Variants in AKAP6 observed in about 807,000 individuals in gnomAD.
AKAP6 encodes the protein A-kinase anchoring protein 6, also known as A-kinase anchor protein 6.
A neutral mutation model predicts 188.5 loss-of-function variants in AKAP6; 58 were observed. The ratio of observed to expected loss-of-function variants is 0.31; its 90% CI spans 0.25 to 0.38. The LOEUF (loss-of-function observed/expected upper bound fraction) is 0.38. Among genes scored for constraint, AKAP6 ranks in the 10% least tolerant of loss-of-function variants. AKAP6 has a pLI of 1.00. For missense variants in AKAP6, 2,710 were observed against 2,740.0 expected, an observed-to-expected ratio of 0.99 and a Z score of 0.24; for synonymous variants, 989 against 998.6, an observed-to-expected ratio of 0.99 and a Z score of 0.18.
chr14:32,342,110 G>A (rs1163117482), intron 1 of AKAP6, among the ~76,000 whole-genome samples: 1 of 152,176 alleles, frequency 6.6e-6, no homozygotes, highest in African/African-American at 2.4e-5. Flanking sequence ...TTCTCTGGAT[G>A]ATCTATGCTT....
intron 7 of AKAP6, among the ~76,000 whole-genome samples, chr14:32,648,854 C>A (rs1888090618): frequency 6.6e-6 from 1 of 151,976 alleles, no homozygotes; most frequent in African/African-American, 2.4e-5. Context: ...GAGGCGGTAC[C>A]TCTACTGAAA....
At chr14:32,459,132 CTA>C (rs1339523210) in intron 2 of AKAP6, among the ~76,000 whole-genome samples, 2 of 152,074 alleles carry the variant, frequency 1.3e-5, no homozygotes, top group Non-Finnish European at 2.9e-5. Flanking sequence ...ATAAGAAAGA[CTA>C]TGTGCTGTGG....
rs2034581292 is a variant in AKAP6 at position 32,823,271 on chromosome 14, A to G, written c.5458A>G (p.Asn1820Asp). 2 of 1,613,696 alleles carry G rather than the reference A, an allele frequency of 1.2e-6. No individual in the cohort carries two copies. Among genetic ancestry groups the G allele is most frequent in the Admixed American group, 1.7e-5 (1 of 59,918 alleles). The change falls in exon 13 of 14, where the codon AAT (asparagine) becomes GAT (aspartate). Residue 1820 changes from asparagine (N) to aspartate (D), a missense_variant. This residue lies in a region of AKAP6 where 2,473 missense variants were observed against 2,426.1 expected (regional missense o/e 1.02). Coordinates refer to ENST00000280979, the MANE Select transcript of AKAP6 (RefSeq NM_004274.5). ...LSLTRDKKRC[N>D]VSDEMKGSKD... ...TTTGACAAGAGATAAGAAAAGGTGC[A>G]ATGTCAGTGATGAGATGAAGGGCAG...
chr14:32,773,679 C>G lies in AKAP6; in HGVS notation c.3374C>G (p.Ser1125Cys), dbSNP rs765681796. Residue 1125 changes from serine to cysteine, a missense_variant and splice_region_variant, in exon 12 of 14, where the codon TCC becomes TGC. Ser to Cys is a moderately radical substitution (Grantham distance 112). This residue lies in a region of AKAP6 where 2,473 missense variants were observed against 2,426.1 expected (regional missense o/e 1.02). Transcript: ENST00000280979. ...NTEKQLQYFK[S>C]LCREIKQRRR... Reference sequence around the variant, plus strand: ...GATTGGTTTCTCTCTATGTTGCAGTCCCTCTGTCGTGAAATCAAGCAACGA... The same window carrying G: ...GATTGGTTTCTCTCTATGTTGCAGTGCCTCTGTCGTGAAATCAAGCAACGA... 2 of 1,613,480 alleles carry G rather than the reference C, an allele frequency of 1.2e-6. No homozygotes were observed. The highest frequency in any genetic ancestry group is 1.7e-6 in the Non-Finnish European group (2 of 1,179,736).
At chr14:32,668,946 T>A (rs1262273544) in intron 7 of AKAP6, among the ~76,000 whole-genome samples, 1 of 151,568 alleles carries the variant, frequency 6.6e-6, no homozygotes, top group Non-Finnish European at 1.5e-5. Context: ...TTACATTTTT[T>A]AATACTTTTA....
At chr14:32,701,991 G>A (rs1021047903) in intron 9 of AKAP6, among the ~76,000 whole-genome samples, 4 of 152,052 alleles carry the variant, frequency 2.6e-5, no homozygotes, top group African/African-American at 7.2e-5. Context: ...GCCTTATATT[G>A]GAATTTCAGT....
At chr14:32,475,225 C>T (rs1393174094) in intron 2 of AKAP6, among the ~76,000 whole-genome samples, 2 of 152,172 alleles carry the variant, frequency 1.3e-5, no homozygotes, top group African/African-American at 4.8e-5. Flanking sequence ...CTAGTCCTGA[C>T]ACACAACACA....
intron 1 of AKAP6, among the ~76,000 whole-genome samples, chr14:32,336,587 A>G (rs1669612832): frequency 5.9e-5 from 9 of 152,198 alleles, no homozygotes; most frequent in Admixed American, 5.9e-4. Flanking sequence ...GTGCATACAG[A>G]TGGTCATGAT....
chr14:32,815,640 C>T (rs1422435410), intron 12 of AKAP6, among the ~76,000 whole-genome samples: 6 of 152,074 alleles, frequency 3.9e-5, no homozygotes, highest in African/African-American at 9.7e-5. Flanking sequence ...ACTCTTTGGT[C>T]GTACCAAAGA....
intron 4 of AKAP6, among the ~76,000 whole-genome samples, chr14:32,561,366 C>A (rs983628160): frequency 6.6e-6 from 1 of 152,028 alleles, no homozygotes; most frequent in African/African-American, 2.4e-5. Context: ...GGAAATGTAA[C>A]CTCGCAAGCC....
At chr14:32,737,532 C>T (rs185383290) in intron 11 of AKAP6, among the ~76,000 whole-genome samples, 2 of 152,280 alleles carry the variant, frequency 1.3e-5, no homozygotes, top group East Asian at 1.9e-4. Flanking sequence ...CAGGTACACT[C>T]TGCCTTTCTA....
At chr14:32,379,456 T>C (rs1405247777) in intron 1 of AKAP6, among the ~76,000 whole-genome samples, 2 of 152,198 alleles carry the variant, frequency 1.3e-5, no homozygotes, top group African/African-American at 2.4e-5. Flanking sequence ...TGTATACTTT[T>C]ACATCAGAGT....
intron 12 of AKAP6, among the ~76,000 whole-genome samples, chr14:32,775,991 T>C (rs1002645945): frequency 1.3e-5 from 2 of 152,188 alleles, no homozygotes; most frequent in East Asian, 3.9e-4. Context: ...GAGCACCGGG[T>C]ACATCATTCA....
chr14:32,639,657 A>C (rs1887670887), intron 7 of AKAP6, among the ~76,000 whole-genome samples: 1 of 152,196 alleles, frequency 6.6e-6, no homozygotes, highest in Admixed American at 6.6e-5. Flanking sequence ...CCTGTGAAAA[A>C]TACCACAAGG....
At chr14:32,626,274 T>C (rs12893512) in intron 7 of AKAP6, among the ~76,000 whole-genome samples, 2 of 152,132 alleles carry the variant, frequency 1.3e-5, no homozygotes, top group Non-Finnish European at 2.9e-5. Context: ...GTTGGCATTG[T>C]CTACCCCAAC....
At chr14:32,689,953 G>A (rs1170815793) in intron 8 of AKAP6, among the ~76,000 whole-genome samples, 2 of 151,894 alleles carry the variant, frequency 1.3e-5, no homozygotes, top group Non-Finnish European at 2.9e-5. Flanking sequence ...AGGAAAATTG[G>A]ATCATTTAAT....
At chr14:32,593,411 AC>A (rs1405162751) in intron 5 of AKAP6, among the ~76,000 whole-genome samples, 2 of 152,142 alleles carry the variant, frequency 1.3e-5, no homozygotes, top group Non-Finnish European at 2.9e-5. Context: ...GGAAGCTTAC[AC>A]TGCTCTTCAC....
intron 12 of AKAP6, among the ~76,000 whole-genome samples, chr14:32,797,720 G>A (rs1287337791): frequency 6.6e-6 from 1 of 151,716 alleles, no homozygotes; most frequent in Non-Finnish European, 1.5e-5. Flanking sequence ...AACCACCATG[G>A]CACATGTTTA....
At chr14:32,494,237 C>T (rs1364092382) in intron 2 of AKAP6, 1 of 152,092 alleles carries the variant, frequency 6.6e-6, no homozygotes, top group Non-Finnish European at 1.5e-5. Flanking sequence ...CCTGGAAATC[C>T]AGACTCTGTC....
Sources: allele counts gnomAD v4.1 joint callset (sites outside exome capture counted in the v4.1 genomes callset), GRCh38; gene constraint gnomAD v4.1.1; regional missense constraint gnomAD v4.1.1; transcripts MANE v1.5; gene names NCBI Gene and HGNC (gene_info 2026-07-23, HGNC 2026-07-21).